TAF4: variants seen among roughly 807,000 people sequenced by gnomAD.
The protein encoded by TAF4 is TATA-box binding protein associated factor 4.
Under a neutral mutation model 90.3 loss-of-function variants are expected in TAF4, and 9 were observed. The observed-to-expected ratio is 0.10, with a 90% CI of 0.06 to 0.17. The LOEUF (loss-of-function observed/expected upper bound fraction) is 0.17. Among genes scored for constraint, TAF4 ranks in the 10% least tolerant of loss-of-function variants. The pLI is 1.00. For missense variants in TAF4, 1,351 were observed against 1,370.7 expected, an observed-to-expected ratio of 0.99 and a Z score of 0.23; for synonymous variants, 818 against 638.9, an observed-to-expected ratio of 1.28 and a Z score of -4.23.
At chr20:62,062,263 A>G (rs2056092973) in intron 1 of TAF4, among the ~76,000 whole-genome samples, 1 of 152,254 alleles carries the variant, frequency 6.6e-6, no homozygotes, top group African/African-American at 2.4e-5. Flanking sequence ...AACCAACTAG[A>G]ACAATTTAAT....
At chr20:62,021,879 C>A (rs1176620843) in intron 1 of TAF4, among the ~76,000 whole-genome samples, 1 of 152,128 alleles carries the variant, frequency 6.6e-6, no homozygotes, top group Non-Finnish European at 1.5e-5. Flanking sequence ...CCTCAGACGG[C>A]GACAGAGAGG....
At chr20:62,042,740 C>G (rs1024273833) in intron 1 of TAF4, among the ~76,000 whole-genome samples, 1 of 152,258 alleles carries the variant, frequency 6.6e-6, no homozygotes, top group Non-Finnish European at 1.5e-5. Context: ...TCACTACATT[C>G]TACTTCCCAT....
intron 1 of TAF4, among the ~76,000 whole-genome samples, chr20:62,027,444 C>T (rs1304897824): frequency 5.9e-5 from 9 of 152,210 alleles, no homozygotes; most frequent in Middle Eastern, 6.3e-3. Flanking sequence ...TCTCCCCCCT[C>T]AACGCAAGCT....
At chr20:62,060,577 C>T (rs548021906) in intron 1 of TAF4, among the ~76,000 whole-genome samples, 201 of 152,372 alleles carry the variant, frequency 1.3e-3, no homozygotes, top group African/African-American at 4.5e-3. Flanking sequence ...AGACCCAGAG[C>T]GGCGCCCTTG....
rs775650247 is a variant in TAF4, at chr20:61,975,871, G to A, written c.*297C>T. Reference sequence around the variant, plus strand: ...CAGAAACTGCTATGAGTTGACAGAGGGCAGCTAATTATTTGCTAACGATTC... The same window carrying A: ...CAGAAACTGCTATGAGTTGACAGAGAGCAGCTAATTATTTGCTAACGATTC... On this transcript the variant is annotated 3_prime_UTR_variant, in exon 15 of 15. Coordinates refer to ENST00000252996, the MANE Select transcript of TAF4 (RefSeq NM_003185.4). 4.0e-5 allele frequency: 15 copies of A among 373,468 alleles called. No individual in the cohort carries two copies. The highest frequency in any genetic ancestry group is 6.3e-5 in the Non-Finnish European group (13 of 204,850). The allele number at this position is 373,468 out of a possible 1,614,324, so 23.1% of individuals were successfully genotyped here.
chr20:62,000,538 A>T lies in TAF4; in HGVS notation c.2656+14T>A. 6.2e-7 allele frequency: 1 copy of T among 1,607,896 alleles called. No homozygotes were observed. The highest frequency in any genetic ancestry group is 1.3e-5 in the African/African-American group (1 of 74,840). On this transcript the variant is annotated intron_variant, in intron 10 of 14. Transcript: ENST00000252996. The stretch of plus-strand genomic sequence containing the variant: ...GCTGTTTAATAAGAACTCAGTCATT[A>T]AACACCAACGTACCTATTTCTAATA...
At chr20:62,003,974 A>G in intron 7 of TAF4, 96 bp from the exon 8 acceptor site, 1 of 1,415,292 alleles carries the variant, frequency 7.1e-7, no homozygotes, top group Non-Finnish European at 9.3e-7. Flanking sequence ...CTTCCTTTGC[A>G]CCCCACGCCC....
At chr20:62,018,759 G>A (rs752671248) in intron 1 of TAF4, among the ~76,000 whole-genome samples, 1 of 152,232 alleles carries the variant, frequency 6.6e-6, no homozygotes, top group Admixed American at 6.5e-5. Context: ...CCCAGCCCTC[G>A]AGTCAGGGAG....
chr20:61,976,074 A>C lies in TAF4; in HGVS notation c.*94T>G. 1 of 1,354,542 alleles carries C rather than the reference A, an allele frequency of 7.4e-7. No homozygotes were observed. The highest frequency in any genetic ancestry group is 1.0e-6 in the Non-Finnish European group (1 of 959,646). 83.9% of individuals were successfully genotyped at this position (1,354,542 alleles called of 1,614,324 possible). The stretch of plus-strand genomic sequence containing the variant: ...AGGAATATAAAACTGTTCCATTGTA[A>C]AGAGGTGGCTGTTTTTTAAACAATA... On this transcript the variant is annotated 3_prime_UTR_variant, in exon 15 of 15. Transcript: ENST00000252996.
intron 14 of TAF4, among the ~76,000 whole-genome samples, chr20:61,981,765 G>A (rs1477744923): frequency 6.7e-6 from 1 of 149,598 alleles, no homozygotes; most frequent in African/African-American, 2.5e-5. Flanking sequence ...CCCCACCCGA[G>A]AGGAGACACC....
rs1410558886 is a variant in TAF4, at chr20:62,020,251, C to T, written c.1361-5544G>A. Among the ~76,000 whole-genome samples the T allele has an allele frequency of 2.0e-5, 3 of 152,340 alleles. No individual in the cohort carries two copies. The East Asian group carries it at 5.8e-4, about 29-fold the overall frequency. ...CCTCCCTCCCAACGCACAGGACAGG[C>T]TGCAGGCACCGCTGTGCCCTCTGCC... On this transcript the variant is annotated intron_variant, in intron 1 of 14. Coordinates refer to ENST00000252996, the MANE Select transcript of TAF4 (RefSeq NM_003185.4).
Position 62,064,678 on chromosome 20 carries a change from G to C in TAF4, c.1133C>G (p.Thr378Ser), listed in dbSNP as rs1600869739. The stretch of plus-strand genomic sequence containing the variant: ...CGGGCTGGGCAGCGCCCCTTGCATA[G>C]TTGGCCCGATGACCATGCTGGCCGC... ...STAASMVIGP[T>S]MQGALPSPAA... Residue 378 changes from threonine (T) to serine (S), a missense_variant, in exon 1 of 15, where the codon ACT becomes AGT. Thr to Ser is a moderately conservative substitution (Grantham distance 58). Around this residue, in one of 9 missense-constraint regions of TAF4, gnomAD observed 782 missense variants for 536.6 expected, o/e 1.46. Transcript: ENST00000252996. 2 of 1,275,034 alleles carry C rather than the reference G, an allele frequency of 1.6e-6. No individual in the cohort carries two copies. The highest frequency in any genetic ancestry group is 3.1e-4 in the Middle Eastern group (1 of 3,222). The allele number at this position is 1,275,034 out of a possible 1,614,324, so 79.0% of individuals were successfully genotyped here. A position where few individuals can be genotyped will look rare whatever the true frequency, so the allele number is the denominator to read the frequency against.
chr20:62,037,128 G>C (rs2055936648), intron 1 of TAF4, among the ~76,000 whole-genome samples: 1 of 152,096 alleles, frequency 6.6e-6, no homozygotes, highest in Admixed American at 6.5e-5. Flanking sequence ...CCTAACACAG[G>C]GCCTCTATGA....
rs537788157 is a variant in TAF4 at position 61,997,593 on chromosome 20, T to C, written c.3047A>G (p.Lys1016Arg). Residue 1016 changes from lysine to arginine, a missense_variant, in exon 14 of 15, where the codon AAA (lysine) becomes AGA (arginine). This residue lies in a region of TAF4 where 48 missense variants were observed against 50.6 expected (regional missense o/e 0.95). Transcript: ENST00000252996. ...CCCCGGACAGTCCACTTTCCTCTTTTTCCTGGGCCCGATCGCTGCTAGTGC... is the reference window on the plus strand; with the variant it reads ...CCCCGGACAGTCCACTTTCCTCTTTCTCCTGGGCCCGATCGCTGCTAGTGC... ...LTALAAIGPRKKRKVDCPGPG... is the reference protein window; with the variant it reads ...LTALAAIGPRRKRKVDCPGPG... 1.1e-5 allele frequency: 17 copies of C among 1,613,886 alleles called. No homozygotes were observed. The East Asian group carries it at 2.5e-4, about 23-fold the overall frequency.
intron 1 of TAF4, among the ~76,000 whole-genome samples, chr20:62,046,635 G>A (rs2055994876): frequency 6.6e-6 from 1 of 152,206 alleles, no homozygotes; most frequent in African/African-American, 2.4e-5. Flanking sequence ...AATATCCTGG[G>A]TGGGGCTGCC....
chr20:61,989,490 T>C (rs1302901738), intron 14 of TAF4, among the ~76,000 whole-genome samples: 1 of 151,330 alleles, frequency 6.6e-6, no homozygotes, highest in East Asian at 2.0e-4. Context: ...AGCACTGCAG[T>C]GAGTGAGTGA....
intron 1 of TAF4, among the ~76,000 whole-genome samples, chr20:62,029,635 T>C (rs1320541373): frequency 6.6e-6 from 1 of 151,056 alleles, no homozygotes; most frequent in African/African-American, 2.4e-5. Flanking sequence ...AGGCTGGGAG[T>C]GGTGGCTCAC....
At position 62,033,841 on chromosome 20, in the gene TAF4, G is replaced by C. The variant is rs534005787; in HGVS notation, c.1361-19134C>G. Among the ~76,000 whole-genome samples, 19 of 152,004 alleles carry C rather than the reference G, an allele frequency of 1.2e-4. No individual in the cohort carries two copies. The South Asian group carries it at 3.9e-3, about 32-fold the overall frequency. Reference sequence around the variant, plus strand: ...GTGGATCACGAGGTCAGGAGATCGAGACCATCCTGGCTAACACGGTGAAAC... The same window carrying C: ...GTGGATCACGAGGTCAGGAGATCGACACCATCCTGGCTAACACGGTGAAAC... On this transcript the variant is annotated intron_variant, in intron 1 of 14. Transcript: ENST00000252996.
At chr20:62,001,104 G>C (rs897373749) in intron 9 of TAF4, among the ~76,000 whole-genome samples, 1 of 152,240 alleles carries the variant, frequency 6.6e-6, no homozygotes, top group East Asian at 1.9e-4. Flanking sequence ...GTTGGAAGAA[G>C]AGTACGCACA....
Sources: gnomAD v4.1 joint callset for allele counts (sites outside exome capture counted in the v4.1 genomes callset) on GRCh38, gnomAD v4.1.1 for gene constraint, gnomAD v4.1.1 regional missense constraint, MANE v1.5 for transcripts, NCBI Gene and HGNC (gene_info 2026-07-23, HGNC 2026-07-21) for gene names.